The following RTF1 variants were observed in gnomAD, a reference collection of about 807,000 sequenced individuals.
RTF1 encodes RNA polymerase-associated protein RTF1 homolog.
A neutral mutation model predicts 95.7 loss-of-function variants in RTF1; 10 were observed. The observed-to-expected ratio is 0.10, with a 90% CI of 0.06 to 0.18. The LOEUF is 0.18. Ranked by LOEUF, RTF1 falls within the 10% of genes least tolerant of loss-of-function variation. RTF1 has a pLI of 1.00. For synonymous variants in RTF1, 305 were observed against 311.8 expected, an observed-to-expected ratio of 0.98 and a Z score of 0.23; for missense variants, 458 against 875.6, an observed-to-expected ratio of 0.52 and a Z score of 6.02.
intron 1 of RTF1, among the ~76,000 whole-genome samples, chr15:41,427,471 T>C (rs1290792062): frequency 6.6e-6 from 1 of 152,092 alleles, no homozygotes; most frequent in Non-Finnish European, 1.5e-5. Flanking sequence ...TTTAAAAAAT[T>C]AGCTGAGTGT....
chr15:41,475,662 A>C, intron 10 of RTF1, 50 bp downstream of exon 10: 1 of 1,603,544 alleles, frequency 6.2e-7, no homozygotes, highest in Middle Eastern at 1.7e-4. Context: ...TTGAGAAAAT[A>C]TCTTTCCAAA....
At chr15:41,468,467 G>A (rs1718425329) in intron 6 of RTF1, among the ~76,000 whole-genome samples, 3 of 151,960 alleles carry the variant, frequency 2.0e-5, no homozygotes, top group African/African-American at 2.4e-5. Context: ...ACAGGCACCT[G>A]CCACCACGCC....
At chr15:41,420,806 C>T (rs962559433) in intron 1 of RTF1, among the ~76,000 whole-genome samples, 3 of 152,062 alleles carry the variant, frequency 2.0e-5, no homozygotes, top group Non-Finnish European at 4.4e-5. Context: ...TAGGTTGGGA[C>T]TTAGAGGGTG....
At chr15:41,468,491 G>A (rs1192538506) in intron 6 of RTF1, among the ~76,000 whole-genome samples, 1 of 151,936 alleles carries the variant, frequency 6.6e-6, no homozygotes, top group Non-Finnish European at 1.5e-5. Context: ...CTAATTTTTT[G>A]TATTTTTAGT....
chr15:41,438,556 G>A, intron 2 of RTF1, 125 bp downstream of exon 2: 2 of 595,592 alleles, frequency 3.4e-6, no homozygotes, highest in Non-Finnish European at 5.7e-6. Context: ...GAATTTATTG[G>A]GGAAAGAAAA....
chr15:41,466,197 A>G lies in RTF1; in HGVS notation c.834A>G (p.Lys278=), dbSNP rs758986112. 3 of 1,595,680 alleles carry G rather than the reference A, an allele frequency of 1.9e-6. No homozygotes were observed. Among genetic ancestry groups the G allele is most frequent in the Middle Eastern group, 1.7e-4 (1 of 6,050 alleles). Reference sequence around the variant, plus strand: ...AGCGGGATGAGAAACTAGACAAGAAATCTCAAGCCATGGAGGAGCTAAAAG... The same window carrying G: ...AGCGGGATGAGAAACTAGACAAGAAGTCTCAAGCCATGGAGGAGCTAAAAG... The part of the protein sequence containing the change: ...RSKRDEKLDK[K]SQAMEELKAE... The change falls in exon 6 of 18, where the codon AAA becomes AAG. Residue 278 remains lysine, a synonymous_variant. Transcript: ENST00000389629.
At chr15:41,432,086 A>G (rs556898992) in intron 1 of RTF1, among the ~76,000 whole-genome samples, 1 of 152,096 alleles carries the variant, frequency 6.6e-6, no homozygotes, top group East Asian at 1.9e-4. Flanking sequence ...GGCATGAGCC[A>G]CTGTGCCTGG....
At chr15:41,436,033 G>T (rs2050700006) in intron 1 of RTF1, among the ~76,000 whole-genome samples, 2 of 152,104 alleles carry the variant, frequency 1.3e-5, no homozygotes, top group South Asian at 2.1e-4. Context: ...TTGGCCTGGT[G>T]TGGTGGTTCA....
chr15:41,428,091 T>C (rs1351792042), intron 1 of RTF1, among the ~76,000 whole-genome samples: 2 of 149,580 alleles, frequency 1.3e-5, no homozygotes, highest in Non-Finnish European at 3.0e-5. Context: ...CTGGCCGCCT[T>C]CTTTTTTTTT....
intron 1 of RTF1, among the ~76,000 whole-genome samples, chr15:41,423,617 C>T (rs768117444): frequency 5.9e-5 from 9 of 152,138 alleles, no homozygotes; most frequent in Non-Finnish European, 1.3e-4. Context: ...GATCCACCCA[C>T]CTCGGCCTCC....
At chr15:41,422,324 G>A (rs1224115142) in intron 1 of RTF1, among the ~76,000 whole-genome samples, 2 of 152,170 alleles carry the variant, frequency 1.3e-5, no homozygotes, top group Non-Finnish European at 2.9e-5. Context: ...GACCTAGTTT[G>A]AGAGTTTGAA....
chr15:41,429,668 T>G (rs1456119129), intron 1 of RTF1, among the ~76,000 whole-genome samples: 2 of 152,108 alleles, frequency 1.3e-5, no homozygotes, highest in Non-Finnish European at 2.9e-5. Context: ...CTCTTTCAGT[T>G]CTTTGACTAA....
chr15:41,475,924 T>G (rs1399435568), intron 11 of RTF1, 105 bp downstream of exon 11: 1 of 629,372 alleles, frequency 1.6e-6, no homozygotes. Flanking sequence ...TAGCTATGCA[T>G]GAAAATGAGG....
chr15:41,472,127 G>A (rs2050915328), intron 8 of RTF1, among the ~76,000 whole-genome samples: 1 of 151,822 alleles, frequency 6.6e-6, no homozygotes, highest in African/African-American at 2.4e-5. Flanking sequence ...TTGAACTCTT[G>A]ACCTTGTGAT....
intron 2 of RTF1, among the ~76,000 whole-genome samples, chr15:41,451,785 G>C (rs1214252871): frequency 6.6e-6 from 1 of 152,072 alleles, no homozygotes; most frequent in African/African-American, 2.4e-5. Flanking sequence ...ACCATTCTCT[G>C]TACTGAAACC....
chr15:41,432,811 C>A (rs1467927498), intron 1 of RTF1, among the ~76,000 whole-genome samples: 1 of 151,994 alleles, frequency 6.6e-6, no homozygotes, highest in Admixed American at 6.6e-5. Context: ...TTGTGGTGCA[C>A]ACCTGTAATC....
intron 6 of RTF1, among the ~76,000 whole-genome samples, chr15:41,466,692 A>G (rs2050882024): frequency 6.6e-6 from 1 of 152,274 alleles, no homozygotes. Context: ...TTTAAAAAAC[A>G]AGACCACTTG....
chr15:41,463,397 C>T (rs756638201), intron 4 of RTF1, among the ~76,000 whole-genome samples: 1 of 152,182 alleles, frequency 6.6e-6, no homozygotes, highest in Non-Finnish European at 1.5e-5. Context: ...GAAACTGCAG[C>T]TGCATCATTT....
intron 8 of RTF1, 56 bp from the exon 9 acceptor site, chr15:41,474,564 T>G: frequency 8.2e-7 from 1 of 1,214,192 alleles, no homozygotes; most frequent in Non-Finnish European, 1.2e-6. Context: ...GGAAGAGTGT[T>G]GTGGAAAGCT....
Sources: allele counts gnomAD v4.1 joint callset (sites outside exome capture counted in the v4.1 genomes callset), GRCh38; gene constraint gnomAD v4.1.1; transcripts MANE v1.5; gene names NCBI Gene and HGNC (gene_info 2026-07-23, HGNC 2026-07-21).